Variants in DST observed in about 807,000 individuals in gnomAD.
DST encodes dystonin.
DST carries 253 observed loss-of-function variants against 875.2 expected under a neutral mutation model. The ratio of observed to expected loss-of-function variants is 0.29; its 90% confidence interval spans 0.26 to 0.32. The LOEUF is 0.32. Ranked by LOEUF, DST falls within the 10% of genes least tolerant of loss-of-function variation. The pLI, the probability that DST is intolerant of heterozygous loss-of-function variation, is 1.00. For missense variants in DST, 8,287 were observed against 9,111.6 expected (o/e 0.91, Z 3.68); for synonymous variants, 3,124 against 3,197.1 (o/e 0.98, Z 0.77).
At chr6:56,614,565 G>A (rs2098593983) in intron 36 of DST, 81 bp from the exon 37 acceptor site, 1 of 1,352,908 alleles carries the variant, frequency 7.4e-7, no homozygotes, top group Non-Finnish European at 9.5e-7. Flanking sequence ...TAGCAAACAA[G>A]AATGTAAAAA....
chr6:56,495,614 A>G (rs2095875822), intron 82 of DST, among the ~76,000 whole-genome samples: 1 of 152,052 alleles, frequency 6.6e-6, no homozygotes, highest in Admixed American at 6.6e-5. Flanking sequence ...GTAAGGAGCT[A>G]TCTGGAAGTT....
At chr6:56,620,672 T>A (rs2098682519) in intron 36 of DST, 1 of 1,614,030 alleles carries the variant, frequency 6.2e-7, no homozygotes, top group Admixed American at 1.7e-5. Context: ...CTGAAGCAGA[T>A]CTGAATATGC....
intron 80 of DST, among the ~76,000 whole-genome samples, chr6:56,498,766 G>C (rs191541919): frequency 6.6e-6 from 1 of 151,976 alleles, no homozygotes; most frequent in South Asian, 2.1e-4. Context: ...TCTCTCATAC[G>C]AGGGGTCCTG....
intron 4 of DST, among the ~76,000 whole-genome samples, chr6:56,805,623 C>T (rs1008565212): frequency 1.3e-5 from 2 of 152,186 alleles, no homozygotes; most frequent in African/African-American, 4.8e-5. Context: ...CAAAGAACTA[C>T]AATAAGCTGC....
In DST at chr6:56,509,700, CTGTT is replaced by C. The variant is rs1489333609; in HGVS notation, c.18950_18953del (p.Lys6317ArgfsTer6). The C allele has an allele frequency of 6.2e-7, 1 of 1,613,764 alleles. No homozygotes were observed. Among genetic ancestry groups the C allele is most frequent in the Non-Finnish European group, 8.5e-7 (1 of 1,179,750 alleles). ...ATCTAGCAATCATTTCCTCTCCCCT[CTGTT>C]TAAGAGTTTCATACAACGGCTGTAG... On this transcript the variant is annotated frameshift_variant, in exon 74 of 104. Transcript: ENST00000680361. LOFTEE classifies it high-confidence loss of function.
intron 86 of DST, 73 bp from the exon 87 acceptor site, chr6:56,487,346 G>T: frequency 1.6e-6 from 2 of 1,278,422 alleles, no homozygotes; most frequent in Non-Finnish European, 2.1e-6. Flanking sequence ...ATTAACAGAG[G>T]CATCCCTAAT....
At chr6:56,483,683 C>G (rs2095475268) in intron 88 of DST, 1 of 151,664 alleles carries the variant, frequency 6.6e-6, no homozygotes, top group African/African-American at 2.4e-5. Flanking sequence ...GCAACTAGAT[C>G]TTTCAAACAT....
At chr6:56,485,576 G>A in intron 87 of DST, 105 bp from the exon 88 acceptor site, 3 of 1,097,014 alleles carry the variant, frequency 2.7e-6, no homozygotes, top group Non-Finnish European at 3.9e-6. Context: ...TCAAGGGGAA[G>A]AGCAGTATGT....
chr6:56,591,370 T>C (rs572466811), intron 49 of DST, among the ~76,000 whole-genome samples: 1 of 152,324 alleles, frequency 6.6e-6, no homozygotes, highest in East Asian at 1.9e-4. Context: ...GTAAGAACCC[T>C]AATCCTGGTC....
intron 54 of DST, among the ~76,000 whole-genome samples, chr6:56,569,560 T>C (rs1469231449): frequency 2.0e-5 from 3 of 152,098 alleles, no homozygotes; most frequent in African/African-American, 4.8e-5. Context: ...AGAAGTGGTA[T>C]AAAAAATTAC....
At chr6:56,656,882 T>C (rs181014755) in intron 10 of DST, among the ~76,000 whole-genome samples, 153 of 152,266 alleles carry the variant, frequency 1.0e-3, no homozygotes, top group Admixed American at 2.0e-3. Context: ...TGTATTGACA[T>C]ACTCAGAAAA....
At chr6:56,655,933 G>A (rs574834847) in intron 10 of DST, among the ~76,000 whole-genome samples, 7 of 152,196 alleles carry the variant, frequency 4.6e-5, no homozygotes, top group Non-Finnish European at 8.8e-5. Context: ...GGCAGAGCCT[G>A]TGTTTTGTCC....
intron 9 of DST, among the ~76,000 whole-genome samples, chr6:56,673,643 A>G (rs1416964513): frequency 2.0e-5 from 3 of 152,252 alleles, no homozygotes; most frequent in Non-Finnish European, 4.4e-5. Context: ...TAAGTTTCCA[A>G]TAGATGAATT....
chr6:56,824,180 C>T (rs2099776606), intron 4 of DST, among the ~76,000 whole-genome samples: 1 of 152,166 alleles, frequency 6.6e-6, no homozygotes, highest in South Asian at 2.1e-4. Context: ...GACTGGTTTT[C>T]GTATTTTTTT....
Position 56,604,925 on chromosome 6 carries a change from CT to C in DST, c.9702del (p.Asp3235ThrfsTer7). 1 of 1,612,664 alleles carries C rather than the reference CT, an allele frequency of 6.2e-7. No individual in the cohort carries two copies. On this transcript the variant is annotated frameshift_variant, in exon 40 of 104. Transcript: ENST00000680361. LOFTEE classifies it high-confidence loss of function. Reference sequence around the variant, plus strand: ...TGGATCATGTCATTAAGAGGTGAGTCTTTTTGGGTACTAGTGGACTTCTCTT... The same window carrying C: ...TGGATCATGTCATTAAGAGGTGAGTCTTTTGGGTACTAGTGGACTTCTCTT... ...NTKEKSTSTQ[K>X]DSPLNDMIQS...
chr6:56,899,204 C>G (rs2127686139), intron 3 of DST, among the ~76,000 whole-genome samples: 1 of 152,314 alleles, frequency 6.6e-6, no homozygotes, highest in South Asian at 2.1e-4. Flanking sequence ...TAACACATAT[C>G]TGTATGTCCC....
rs189587730 is a variant in DST at position 56,557,593 on chromosome 6, G to A, written c.14441-75C>T. On this transcript the variant is annotated intron_variant, in intron 58 of 103. Coordinates refer to ENST00000680361, the MANE Select transcript of DST (RefSeq NM_001374736.1). ...TGACTATGTCTATGAGGACTGTATG[G>A]TATGATTTAAAATGATATATAATGG... 3.3e-3 allele frequency: 3,786 copies of A among 1,135,954 alleles called. 16 individuals are homozygous for A. The highest frequency in any genetic ancestry group is 4.5e-3 in the Non-Finnish European group (3,562 of 796,466). The allele number at this position is 1,135,954 out of a possible 1,614,324, so 70.4% of individuals were successfully genotyped here.
chr6:56,886,707 G>A (rs1416522785), intron 3 of DST, among the ~76,000 whole-genome samples: 2 of 151,062 alleles, frequency 1.3e-5, no homozygotes, highest in East Asian at 3.9e-4. Flanking sequence ...CCCAGGAGGT[G>A]GAGTTTGCGG....
At chr6:56,697,536 G>A (rs574529971) in intron 9 of DST, among the ~76,000 whole-genome samples, 12 of 152,232 alleles carry the variant, frequency 7.9e-5, no homozygotes, top group African/African-American at 2.6e-4. Context: ...AGTGATGGAC[G>A]GAAAAAGGAA....
Sources: allele counts gnomAD v4.1 joint callset (sites outside exome capture counted in the v4.1 genomes callset), GRCh38; gene constraint gnomAD v4.1.1; transcripts MANE v1.5; gene names NCBI Gene and HGNC (gene_info 2026-07-23, HGNC 2026-07-21).